Variants in FBLN2 observed in about 807,000 individuals in gnomAD.
FBLN2 encodes the protein fibulin-2.
In FBLN2, 81 loss-of-function variants were observed where a neutral mutation model predicts 123.7. The ratio of observed to expected loss-of-function variants is 0.65; its 90% confidence interval spans 0.55 to 0.79. The LOEUF (loss-of-function observed/expected upper bound fraction) is 0.79, where lower values mean the gene tolerates loss of function less well. Among genes scored for constraint, FBLN2 ranks in the 30% least tolerant of loss-of-function variants. The pLI, the probability that FBLN2 is intolerant of heterozygous loss-of-function variation, is 0.00. For synonymous variants in FBLN2, 699 were observed against 701.4 expected (o/e 1.00, Z 0.05); for missense variants, 1,603 against 1,681.3 (o/e 0.95, Z 0.81).
rs3773264 is a variant in FBLN2 at position 13,621,689 on chromosome 3, G to A, written c.2156-86G>A. 7.3e-3 allele frequency: 10,871 copies of A among 1,481,312 alleles called. 381 individuals are homozygous for A. In the East Asian group the frequency reaches 0.1, roughly 14 times the overall value. 91.8% of individuals were successfully genotyped at this position (1,481,312 alleles called of 1,614,324 possible). A position where few individuals can be genotyped will look rare whatever the true frequency, so the allele number is the denominator to read the frequency against. On this transcript the variant is annotated intron_variant, in intron 8 of 17. Transcript: ENST00000404922. ...CAGACAGGCCCCTGCCCCTTGCTGG[G>A]TCTCATTCTCCTGTCACTGGATGCT...
chr3:13,628,762 G>C (rs1171549885), intron 11 of FBLN2, 143 bp from the exon 12 acceptor site: 2 of 949,440 alleles, frequency 2.1e-6, no homozygotes, highest in South Asian at 1.7e-5. Flanking sequence ...TGGGGCACAG[G>C]GGTAGGACAG....
chr3:13,572,771 G>T lies in FBLN2; in HGVS notation c.1306+1110G>T, dbSNP rs553234275. ...CCTACCTAAGAGCCGTCCTCAAAGG[G>T]CGCTGCTGCTAAGCAGGGGCCACAG... On this transcript the variant is annotated intron_variant, in intron 2 of 17. Coordinates refer to ENST00000404922, the MANE Select transcript of FBLN2 (RefSeq NM_001004019.2). Among the ~76,000 whole-genome samples the T allele has an allele frequency of 2.0e-5, 3 of 152,362 alleles. No homozygotes were observed. In the East Asian group the frequency reaches 5.8e-4, roughly 29 times the overall value.
Position 13,570,738 on chromosome 3 carries a change from C to A in FBLN2, c.383C>A (p.Ala128Asp). 6.2e-7 allele frequency: 1 copy of A among 1,601,040 alleles called. No homozygotes were observed. Among genetic ancestry groups the A allele is most frequent in the East Asian group, 2.3e-5 (1 of 44,338 alleles). ...PPNCIEAVVV[A>D]DSCPQCGQVG... ...AACTGCATCGAGGCTGTAGTGGTGG[C>A]TGACAGCTGCCCACAGTGCGGCCAG... The change falls in exon 2 of 18, where the codon GCT becomes GAT. Residue 128 changes from alanine (A) to aspartate (D), a missense_variant. Coordinates refer to ENST00000404922, the MANE Select transcript of FBLN2 (RefSeq NM_001004019.2).
In FBLN2 at chr3:13,631,435, G is replaced by A. The variant is rs373014299; in HGVS notation, c.3192G>A (p.Thr1064=). The A allele has an allele frequency of 2.2e-5, 35 of 1,595,724 alleles. No homozygotes were observed. The highest frequency in any genetic ancestry group is 1.6e-4 in the Admixed American group (9 of 57,680). Residue 1064 remains threonine, a synonymous_variant, in exon 16 of 18, where the codon ACG becomes ACA. Transcript: ENST00000404922. ...GCCCTGAGCAGGGCTACACCATGAC[G>A]GCCAACGGGAGGTCCTGCAAGGGTG... is the stretch of plus-strand genomic sequence containing the variant. ...CACPEQGYTM[T]ANGRSCKDVD...
At chr3:13,629,696 C>T in intron 13 of FBLN2, 124 bp from the exon 14 acceptor site, 2 of 1,332,738 alleles carry the variant, frequency 1.5e-6, no homozygotes, top group Non-Finnish European at 2.0e-6. Context: ...CCTGGCCTCT[C>T]CCTGTCTTTC....
intron 1 of FBLN2, among the ~76,000 whole-genome samples, chr3:13,565,047 G>A (rs563082629): frequency 6.6e-6 from 1 of 152,248 alleles, no homozygotes; most frequent in Admixed American, 6.5e-5. Context: ...TGTGAGGAGT[G>A]GGCAGGTCTC....
intron 1 of FBLN2, among the ~76,000 whole-genome samples, chr3:13,553,994 C>T (rs1205556046): frequency 2.6e-5 from 4 of 152,322 alleles, no homozygotes; most frequent in Admixed American, 6.5e-5. Context: ...CCCAGCTGGG[C>T]GCGTGGGGAG....
At chr3:13,557,596 CCT>C (rs1703496114) in intron 1 of FBLN2, among the ~76,000 whole-genome samples, 1 of 152,184 alleles carries the variant, frequency 6.6e-6, no homozygotes, top group Admixed American at 6.5e-5. Context: ...CCAGGCTCAC[CCT>C]CGAGCTCAGA....
intron 2 of FBLN2, among the ~76,000 whole-genome samples, chr3:13,573,220 C>G (rs934446216): frequency 6.6e-6 from 1 of 152,118 alleles, no homozygotes; most frequent in African/African-American, 2.4e-5. Context: ...TCTTCTCACA[C>G]CAGTCAGAGC....
rs1393942482 is a variant in FBLN2, at chr3:13,618,897, A to G, written c.1940-7A>G. 1.2e-6 allele frequency: 2 copies of G among 1,609,706 alleles called. No homozygotes were observed. The highest frequency in any genetic ancestry group is 1.7e-5 in the Admixed American group (1 of 59,556). ...CTGCAACCCCCACTCTGCTCTACCC[A>G]TGACAGAGGGTCACCCTCCACAGCC... On this transcript the variant is annotated splice_region_variant and splice_polypyrimidine_tract_variant and intron_variant, in intron 6 of 17. Transcript: ENST00000404922.
chr3:13,617,187 C>T (rs1405046972), intron 5 of FBLN2, among the ~76,000 whole-genome samples: 17 of 143,792 alleles, frequency 1.2e-4, no homozygotes, highest in African/African-American at 4.9e-4. Flanking sequence ...TCTATCCATC[C>T]ATCCATCCAT....
intron 1 of FBLN2, among the ~76,000 whole-genome samples, chr3:13,562,826 A>G (rs991565706): frequency 1.3e-5 from 2 of 151,978 alleles, no homozygotes; most frequent in African/African-American, 2.4e-5. Flanking sequence ...CCACCATTCT[A>G]CTTTCTGTCT....
intron 2 of FBLN2, among the ~76,000 whole-genome samples, chr3:13,580,409 C>G (rs1417713851): frequency 6.6e-6 from 1 of 152,164 alleles, no homozygotes; most frequent in African/African-American, 2.4e-5. Context: ...GCCTCTCTCA[C>G]CATTGCAGGA....
At chr3:13,600,394 G>T (rs930662007) in intron 2 of FBLN2, among the ~76,000 whole-genome samples, 1 of 151,890 alleles carries the variant, frequency 6.6e-6, no homozygotes, top group Non-Finnish European at 1.5e-5. Context: ...AGAATGGGGG[G>T]AATCCTGGCA....
At chr3:13,615,729 G>A (rs918270148) in intron 5 of FBLN2, among the ~76,000 whole-genome samples, 5 of 152,252 alleles carry the variant, frequency 3.3e-5, no homozygotes, top group Non-Finnish European at 7.3e-5. Flanking sequence ...AGAGGGGGAA[G>A]ATGAGGCCCA....
In FBLN2 at chr3:13,629,962, C is replaced by A; in HGVS notation, c.2968+17C>A. On this transcript the variant is annotated intron_variant, in intron 14 of 17. Transcript: ENST00000404922. ...GCTGTGAAGGTAGGCTGGCCCTCAT[C>A]TCTGACCCTATGCCGCCTGGTATCT... The A allele has an allele frequency of 6.2e-7, 1 of 1,609,652 alleles. No homozygotes were observed.
intron 2 of FBLN2, among the ~76,000 whole-genome samples, chr3:13,598,197 A>G (rs1406586140): frequency 1.3e-5 from 2 of 152,250 alleles, no homozygotes; most frequent in East Asian, 1.9e-4. Flanking sequence ...CTTGGAAAGT[A>G]GTCACCAAGC....
chr3:13,626,778 C>T (rs952065769), intron 10 of FBLN2, among the ~76,000 whole-genome samples, 199 bp downstream of exon 10: 1 of 152,096 alleles, frequency 6.6e-6, no homozygotes, highest in East Asian at 1.9e-4. Context: ...GTGTTTGGGG[C>T]GGAGATGGGA....
Position 13,614,062 on chromosome 3 carries a change from T to A in FBLN2, c.1627T>A (p.Tyr543Asn). 6.2e-7 allele frequency: 1 copy of A among 1,613,784 alleles called. No homozygotes were observed. The highest frequency in any genetic ancestry group is 8.5e-7 in the Non-Finnish European group (1 of 1,179,880). ...GTGTGAGTCCAATCCTAACCTGGGC[T>A]ATCCCTGCAATCATGTCATGCTCTC... ...QSCESNPNLG[Y>N]PCNHVMLSCC... Residue 543 changes from tyrosine to asparagine, a missense_variant, in exon 5 of 18, where the codon TAT becomes AAT. Physicochemically the swap from Tyr to Asn is moderately radical, Grantham distance 143. Transcript: ENST00000404922.
Sources: allele counts gnomAD v4.1 joint callset (sites outside exome capture counted in the v4.1 genomes callset), GRCh38; gene constraint gnomAD v4.1.1; transcripts MANE v1.5; gene names NCBI Gene and HGNC (gene_info 2026-07-23, HGNC 2026-07-21).